The following GAREM1 variants were observed in gnomAD, a reference collection of about 807,000 sequenced individuals.
GAREM1 encodes the protein GRB2-associated and regulator of MAPK protein 1.
In GAREM1, 26 loss-of-function variants were observed where a neutral mutation model predicts 71.3. That is an observed-to-expected ratio of 0.36 (90% confidence interval 0.27 to 0.51). The LOEUF is 0.51. Ranked by LOEUF, GAREM1 falls within the 20% of genes least tolerant of loss-of-function variation. The pLI is 0.95. For missense variants in GAREM1, 1,026 were observed against 1,103.1 expected (o/e 0.93, Z 0.99); for synonymous variants, 440 against 433.2 (o/e 1.02, Z -0.20).
chr18:32,282,975 A>G (rs73956858), intron 4 of GAREM1, among the ~76,000 whole-genome samples: 369 of 152,334 alleles, frequency 2.4e-3, no homozygotes, highest in African/African-American at 7.9e-3. Context: ...AAAATAGAGG[A>G]TATGTTTAGA....
At chr18:32,364,175 C>T (rs2047906457) in intron 2 of GAREM1, among the ~76,000 whole-genome samples, 1 of 149,666 alleles carries the variant, frequency 6.7e-6, no homozygotes, top group Non-Finnish European at 1.5e-5. Context: ...GCTGGGATTA[C>T]AGGAACCCAC....
chr18:32,387,240 A>G (rs1422875938), intron 2 of GAREM1, among the ~76,000 whole-genome samples: 2 of 152,198 alleles, frequency 1.3e-5, no homozygotes, highest in Non-Finnish European at 2.9e-5. Context: ...ATTCCTGGCT[A>G]GAATTAAGTT....
At chr18:32,279,758 C>T (rs1160222798) in intron 4 of GAREM1, among the ~76,000 whole-genome samples, 1 of 152,140 alleles carries the variant, frequency 6.6e-6, no homozygotes, top group East Asian at 1.9e-4. Flanking sequence ...AAACTGGTCC[C>T]TGGTGCCAAA....
At chr18:32,290,807 G>C (rs978221350) in intron 3 of GAREM1, among the ~76,000 whole-genome samples, 4 of 152,044 alleles carry the variant, frequency 2.6e-5, no homozygotes, top group African/African-American at 9.7e-5. Context: ...CTAACATATT[G>C]ATTAAAAATT....
intron 2 of GAREM1, among the ~76,000 whole-genome samples, chr18:32,353,662 A>C (rs1207883532): frequency 1.1e-4 from 17 of 152,222 alleles, no homozygotes; most frequent in Admixed American, 1.1e-3. Flanking sequence ...TGAGTCATAA[A>C]AGGAGAAAAT....
chr18:32,321,736 T>C (rs184860864), intron 2 of GAREM1, among the ~76,000 whole-genome samples: 173 of 152,352 alleles, frequency 1.1e-3, no homozygotes, highest in African/African-American at 4.0e-3. Context: ...TTTTCTTACA[T>C]TGATCAAATC....
Position 32,374,212 on chromosome 18 carries a change from G to T in GAREM1, c.262+18683C>A, listed in dbSNP as rs112910520. ...GACACTCTGCTAAAGGCAAAATGAG[G>T]TCACACAGTCATAAATTCCTTTTCT... On this transcript the variant is annotated intron_variant, in intron 2 of 5. Coordinates refer to ENST00000269209, the MANE Select transcript of GAREM1 (RefSeq NM_001242409.2). Among the ~76,000 whole-genome samples, 344 of 152,318 alleles carry T rather than the reference G, an allele frequency of 2.3e-3. 2 individuals carry two copies. The highest frequency in any genetic ancestry group is 8.0e-3 in the African/African-American group (331 of 41,566).
At chr18:32,442,756 G>A (rs538095255) in intron 1 of GAREM1, among the ~76,000 whole-genome samples, 3 of 152,248 alleles carry the variant, frequency 2.0e-5, no homozygotes, top group South Asian at 2.1e-4. Flanking sequence ...AGGCTGATGG[G>A]AAGAGAGATG....
intron 1 of GAREM1, among the ~76,000 whole-genome samples, chr18:32,405,260 G>A (rs997129499): frequency 2.0e-5 from 3 of 151,814 alleles, no homozygotes; most frequent in Non-Finnish European, 2.9e-5. Context: ...GTGCAGTGGT[G>A]CGATCTTGGC....
intron 1 of GAREM1, among the ~76,000 whole-genome samples, chr18:32,465,798 G>A (rs1179705197): frequency 6.6e-6 from 1 of 152,146 alleles, no homozygotes; most frequent in East Asian, 1.9e-4. Flanking sequence ...AAAATTAATG[G>A]GCTTGGGTCC....
intron 4 of GAREM1, among the ~76,000 whole-genome samples, chr18:32,274,846 T>C (rs760600955): frequency 3.3e-5 from 5 of 152,054 alleles, no homozygotes; most frequent in Non-Finnish European, 5.9e-5. Context: ...CCATTTTAGC[T>C]ATCCCTTGTT....
chr18:32,342,982 T>A (rs1345198101), intron 2 of GAREM1, among the ~76,000 whole-genome samples: 1 of 152,164 alleles, frequency 6.6e-6, no homozygotes, highest in African/African-American at 2.4e-5. Flanking sequence ...CACATCAGAG[T>A]ATTTGCTAAG....
Position 32,450,423 on chromosome 18 carries a change from T to TA in GAREM1, c.121+19884dup, listed in dbSNP as rs376452094. ...TTATTTAAAAGTTCTAATAAGCTGC[T>TA]AAAAAAAAAACTGTTTAGGGGTTGC... On this transcript the variant is annotated intron_variant, in intron 1 of 5. Coordinates refer to ENST00000269209, the MANE Select transcript of GAREM1 (RefSeq NM_001242409.2). 2.0e-3 allele frequency among the ~76,000 whole-genome samples: 291 copies of TA among 148,702 alleles called. 2 individuals are homozygous for TA. Among genetic ancestry groups the TA allele is most frequent in the African/African-American group, 5.4e-3 (219 of 40,662 alleles).
At chr18:32,279,965 A>C (rs1018292166) in intron 4 of GAREM1, among the ~76,000 whole-genome samples, 1 of 152,234 alleles carries the variant, frequency 6.6e-6, no homozygotes, top group African/African-American at 2.4e-5. Flanking sequence ...TATTTCAATT[A>C]ACAAATGGGA....
intron 2 of GAREM1, among the ~76,000 whole-genome samples, chr18:32,317,907 C>A (rs1009316197): frequency 6.7e-6 from 1 of 148,236 alleles, no homozygotes; most frequent in African/African-American, 2.6e-5. Context: ...TTCCCACAAT[C>A]CCCACATGGA....
chr18:32,439,645 C>CTTT (rs34313807), intron 1 of GAREM1, among the ~76,000 whole-genome samples: 2 of 146,234 alleles, frequency 1.4e-5, no homozygotes, highest in Admixed American at 6.8e-5. Flanking sequence ...ACCAAATGAG[C>CTTT]TTTTTTTTTT....
At chr18:32,345,010 C>T (rs1168374929) in intron 2 of GAREM1, among the ~76,000 whole-genome samples, 2 of 151,990 alleles carry the variant, frequency 1.3e-5, no homozygotes, top group Non-Finnish European at 2.9e-5. Flanking sequence ...TGCAGTAAGC[C>T]GAGATTGTGC....
chr18:32,378,604 G>A (rs111648816), intron 2 of GAREM1, among the ~76,000 whole-genome samples: 2 of 152,112 alleles, frequency 1.3e-5, no homozygotes, highest in South Asian at 4.2e-4. Context: ...GGAGGGAGGC[G>A]GAACAAAAAG....
intron 1 of GAREM1, among the ~76,000 whole-genome samples, chr18:32,435,011 C>G (rs1388098339): frequency 6.6e-6 from 1 of 152,002 alleles, no homozygotes; most frequent in African/African-American, 2.4e-5. Context: ...AAGAGCGCAT[C>G]GTCTCATCTC....
Sources: allele counts gnomAD v4.1 joint callset (sites outside exome capture counted in the v4.1 genomes callset), GRCh38; gene constraint gnomAD v4.1.1; transcripts MANE v1.5; gene names NCBI Gene and HGNC (gene_info 2026-07-23, HGNC 2026-07-21).